NCKAP5: variants seen among roughly 807,000 people sequenced by gnomAD.
NCKAP5 encodes the protein nck-associated protein 5.
NCKAP5 carries 92 observed loss-of-function variants against 167.0 expected under a neutral mutation model. That is an observed-to-expected ratio of 0.55 (90% CI 0.47 to 0.66). The LOEUF (loss-of-function observed/expected upper bound fraction) is 0.66, where lower values mean the gene tolerates loss of function less well. NCKAP5 is among the 30% of genes least tolerant of loss of function. The pLI, the probability that NCKAP5 is intolerant of heterozygous loss-of-function variation, is 0.00. For synonymous variants in NCKAP5, 891 were observed against 877.4 expected (o/e 1.02, Z -0.27); for missense variants, 2,378 against 2,315.0 (o/e 1.03, Z -0.56).
At chr2:133,424,415 T>C (rs1383937637) in intron 3 of NCKAP5, among the ~76,000 whole-genome samples, 3 of 152,222 alleles carry the variant, frequency 2.0e-5, no homozygotes, top group Admixed American at 2.0e-4. Context: ...TTTCATATTA[T>C]ATGATAAATA....
the NCKAP5 span, among the ~76,000 whole-genome samples, chr2:133,652,956 A>G: frequency 7.2e-5 from 11 of 152,184 alleles, no homozygotes. Flanking sequence ...CTCCTAATCA[A>G]TAATAGGGAA....
chr2:133,281,259 C>A (rs1559347806), intron 4 of NCKAP5, among the ~76,000 whole-genome samples: 1 of 152,128 alleles, frequency 6.6e-6, no homozygotes. Context: ...TCTACTATAA[C>A]TTTGTTTATA....
At chr2:132,863,689 G>C (rs1459975407) in intron 10 of NCKAP5, among the ~76,000 whole-genome samples, 1 of 152,158 alleles carries the variant, frequency 6.6e-6, no homozygotes. Context: ...ACACTGATCT[G>C]ATGGCCATTG....
At chr2:133,388,189 T>C (rs1687135366) in intron 3 of NCKAP5, among the ~76,000 whole-genome samples, 1 of 152,236 alleles carries the variant, frequency 6.6e-6, no homozygotes, top group Admixed American at 6.5e-5. Flanking sequence ...ACCTTTGGTC[T>C]TTGATGATGG....
At chr2:133,618,995 G>A in the NCKAP5 span, among the ~76,000 whole-genome samples, 12 of 145,666 alleles carry the variant, frequency 8.2e-5, no homozygotes, top group African/African-American at 3.0e-4. Flanking sequence ...ATGAGTTCAT[G>A]TCCTTTGTAG....
chr2:132,793,437 A>T (rs187357325), intron 12 of NCKAP5, among the ~76,000 whole-genome samples: 2 of 152,310 alleles, frequency 1.3e-5, no homozygotes, highest in East Asian at 3.9e-4. Flanking sequence ...TCACACTTTA[A>T]CGTGAACTGA....
intron 6 of NCKAP5, among the ~76,000 whole-genome samples, chr2:133,058,654 G>C (rs1402008839): frequency 6.6e-6 from 1 of 152,172 alleles, no homozygotes; most frequent in Non-Finnish European, 1.5e-5. Context: ...AAAGAAAGTA[G>C]CTTCTTGGGA....
chr2:133,623,263 C>A, the NCKAP5 span, among the ~76,000 whole-genome samples: 3 of 152,044 alleles, frequency 2.0e-5, no homozygotes, highest in Non-Finnish European at 4.4e-5. Context: ...TGACCAATAA[C>A]CCAAAAGCAA....
intron 6 of NCKAP5, among the ~76,000 whole-genome samples, chr2:133,110,972 A>G (rs2081889409): frequency 6.6e-6 from 1 of 152,084 alleles, no homozygotes; most frequent in South Asian, 2.1e-4. Context: ...GGCCACAGAG[A>G]AATAGTGTTC....
At chr2:133,606,470 G>A in the NCKAP5 span, among the ~76,000 whole-genome samples, 2 of 152,160 alleles carry the variant, frequency 1.3e-5, no homozygotes, top group African/African-American at 4.8e-5. Flanking sequence ...GGTGATAACT[G>A]CATCTGAAAA....
intron 3 of NCKAP5, among the ~76,000 whole-genome samples, chr2:133,486,174 T>C (rs571944002): frequency 1.1e-4 from 17 of 152,310 alleles, no homozygotes; most frequent in Middle Eastern, 6.8e-3. Flanking sequence ...CAGAGCACAG[T>C]TGGTCTCTGC....
chr2:133,211,114 C>T (rs137931990), intron 5 of NCKAP5, among the ~76,000 whole-genome samples: 28 of 152,080 alleles, frequency 1.8e-4, no homozygotes, highest in Non-Finnish European at 3.2e-4. Flanking sequence ...TTTACATTTG[C>T]TGATACCCCT....
chr2:132,791,744 G>A (rs1684086746), intron 12 of NCKAP5, among the ~76,000 whole-genome samples: 2 of 152,120 alleles, frequency 1.3e-5, no homozygotes, highest in South Asian at 2.1e-4. Context: ...TCCAACTGAC[G>A]GTGACTAAAC....
At chr2:132,743,083 C>T (rs1024668006) in intron 16 of NCKAP5, among the ~76,000 whole-genome samples, 20 of 152,068 alleles carry the variant, frequency 1.3e-4, no homozygotes, top group African/African-American at 4.8e-4. Context: ...TGCACACACA[C>T]ACACACACAA....
chr2:133,649,943 A>G, the NCKAP5 span, among the ~76,000 whole-genome samples: 1 of 152,176 alleles, frequency 6.6e-6, no homozygotes, highest in African/African-American at 2.4e-5. Flanking sequence ...ATGATCTTAT[A>G]TATTGGAAAG....
At chr2:132,821,595 T>C (rs747787391) in intron 11 of NCKAP5, among the ~76,000 whole-genome samples, 1 of 152,154 alleles carries the variant, frequency 6.6e-6, no homozygotes, top group African/African-American at 2.4e-5. Flanking sequence ...GCGAAGGAGC[T>C]ACTGCGGACA....
intron 11 of NCKAP5, among the ~76,000 whole-genome samples, chr2:132,815,058 G>C (rs950237943): frequency 6.6e-6 from 1 of 152,168 alleles, no homozygotes; most frequent in African/African-American, 2.4e-5. Flanking sequence ...TAATCTCTCT[G>C]AGACAGTCTG....
intron 12 of NCKAP5, among the ~76,000 whole-genome samples, chr2:132,795,069 C>T (rs753689786): frequency 1.3e-5 from 2 of 152,180 alleles, no homozygotes; most frequent in Non-Finnish European, 1.5e-5. Context: ...ATCCTCACCA[C>T]AACTCTCTGA....
chr2:133,440,709 CAAAAAAAAAAA>C (rs1174654151), intron 3 of NCKAP5, among the ~76,000 whole-genome samples: 10 of 32,694 alleles, frequency 3.1e-4, no homozygotes, highest in African/African-American at 8.1e-4. Context: ...GACTCTGTCT[CAAAAAAAAAAA>C]AAAAAAAAAA....
Sources: gnomAD v4.1 joint callset for allele counts (sites outside exome capture counted in the v4.1 genomes callset) on GRCh38, gnomAD v4.1.1 for gene constraint, MANE v1.5 for transcripts, NCBI Gene and HGNC (gene_info 2026-07-23, HGNC 2026-07-21) for gene names.